Variants in SLC9A9 observed in about 807,000 individuals in gnomAD.
SLC9A9 encodes solute carrier family 9 member A9.
Under a neutral mutation model 77.8 loss-of-function variants are expected in SLC9A9, and 62 were observed. That is an observed-to-expected ratio of 0.80 (90% confidence interval 0.65 to 0.98). The LOEUF is 0.98. Ranked by LOEUF, SLC9A9 falls within the 50% of genes least tolerant of loss-of-function variation. SLC9A9 has a pLI of 0.00. For synonymous variants in SLC9A9, 320 were observed against 283.5 expected (o/e 1.13, Z -1.29); for missense variants, 775 against 774.9 (o/e 1.00, Z 0.00).
At chr3:143,277,046 C>G (rs1243241998) in intron 14 of SLC9A9, among the ~76,000 whole-genome samples, 1 of 152,204 alleles carries the variant, frequency 6.6e-6, no homozygotes, top group Non-Finnish European at 1.5e-5. Flanking sequence ...TAAGATAACT[C>G]TACTTGGCTC....
intron 4 of SLC9A9, among the ~76,000 whole-genome samples, chr3:143,792,689 C>T (rs1309852958): frequency 3.9e-5 from 6 of 152,102 alleles, no homozygotes; most frequent in Non-Finnish European, 7.4e-5. Context: ...TTCCCTAGAT[C>T]TCTTTCCTTC....
intron 12 of SLC9A9, among the ~76,000 whole-genome samples, chr3:143,391,627 A>G (rs1360189914): frequency 1.3e-5 from 2 of 152,238 alleles, no homozygotes; most frequent in Admixed American, 1.3e-4. Flanking sequence ...TTGAGAGAAG[A>G]AGGCTTCAAA....
intron 9 of SLC9A9, among the ~76,000 whole-genome samples, chr3:143,533,335 C>G (rs1402860416): frequency 6.6e-6 from 1 of 152,170 alleles, no homozygotes. Flanking sequence ...CTCCTACTTG[C>G]CTTAATTCCC....
chr3:143,274,707 A>G (rs1937995512), intron 14 of SLC9A9, among the ~76,000 whole-genome samples: 1 of 152,238 alleles, frequency 6.6e-6, no homozygotes, highest in African/African-American at 2.4e-5. Context: ...AAGGACACAA[A>G]GAATCAAATG....
At chr3:143,353,532 G>T (rs1022506262) in intron 14 of SLC9A9, among the ~76,000 whole-genome samples, 1 of 152,212 alleles carries the variant, frequency 6.6e-6, no homozygotes, top group Non-Finnish European at 1.5e-5. Flanking sequence ...GGACTTCCCA[G>T]CTTCCAGAAC....
intron 5 of SLC9A9, among the ~76,000 whole-genome samples, chr3:143,672,792 C>T (rs559365549): frequency 6.6e-6 from 1 of 152,214 alleles, no homozygotes; most frequent in South Asian, 2.1e-4. Context: ...CAGATGTTCC[C>T]ACATAAGTCT....
At chr3:143,366,942 T>C (rs2032925299) in intron 13 of SLC9A9, among the ~76,000 whole-genome samples, 1 of 152,140 alleles carries the variant, frequency 6.6e-6, no homozygotes, top group Non-Finnish European at 1.5e-5. Context: ...TAATGAAAAT[T>C]TAGAGCTCCC....
chr3:143,460,394 A>T lies in SLC9A9; in HGVS notation c.1469+6643T>A, dbSNP rs76376146. 5.4e-3 allele frequency among the ~76,000 whole-genome samples: 818 copies of T among 152,000 alleles called. 7 individuals carry two copies. The highest frequency in any genetic ancestry group is 0.019 in the African/African-American group (783 of 41,458). ...TGGTACCCTTCTCCACAGCCTTTGAATAACAAGTTCCATCTACTGCATTCA... is the reference window on the plus strand; with the variant it reads ...TGGTACCCTTCTCCACAGCCTTTGATTAACAAGTTCCATCTACTGCATTCA... On this transcript the variant is annotated intron_variant, in intron 12 of 15. Transcript: ENST00000316549.
At chr3:143,425,725 T>A (rs1322159468) in intron 12 of SLC9A9, among the ~76,000 whole-genome samples, 4 of 152,220 alleles carry the variant, frequency 2.6e-5, no homozygotes, top group African/African-American at 9.6e-5. Context: ...CTTTTCCAGT[T>A]AGCTTCGGTT....
intron 9 of SLC9A9, among the ~76,000 whole-genome samples, chr3:143,497,471 T>C (rs1455604721): frequency 1.3e-5 from 2 of 152,114 alleles, no homozygotes; most frequent in Non-Finnish European, 2.9e-5. Flanking sequence ...CCAAGAAAAT[T>C]CCATTTGAAT....
At chr3:143,522,224 C>T (rs912243577) in intron 9 of SLC9A9, among the ~76,000 whole-genome samples, 1 of 152,102 alleles carries the variant, frequency 6.6e-6, no homozygotes, top group African/African-American at 2.4e-5. Context: ...TCTGAGATAT[C>T]GTAGATACAG....
intron 14 of SLC9A9, among the ~76,000 whole-genome samples, chr3:143,321,252 C>T (rs566013080): frequency 6.6e-6 from 1 of 152,196 alleles, no homozygotes; most frequent in African/African-American, 2.4e-5. Flanking sequence ...GTCCTGCTCA[C>T]CGTTGCTTAG....
chr3:143,564,359 T>C (rs940120568), intron 8 of SLC9A9, among the ~76,000 whole-genome samples: 3 of 152,170 alleles, frequency 2.0e-5, no homozygotes, highest in African/African-American at 4.8e-5. Context: ...TTTCTAAGAC[T>C]ACAGAATACT....
chr3:143,721,377 G>A (rs558502452), intron 4 of SLC9A9, among the ~76,000 whole-genome samples: 101 of 144,566 alleles, frequency 7.0e-4, no homozygotes, highest in African/African-American at 2.8e-3. Flanking sequence ...GGGCAGACAG[G>A]AGGAGTTCAA....
chr3:143,629,665 A>G (rs1345166946), intron 6 of SLC9A9, among the ~76,000 whole-genome samples: 2 of 151,912 alleles, frequency 1.3e-5, no homozygotes, highest in Non-Finnish European at 2.9e-5. Flanking sequence ...ATGCCAAGAC[A>G]CTCCATTTAA....
chr3:143,798,327 T>G (rs539644856), intron 2 of SLC9A9, among the ~76,000 whole-genome samples: 1 of 152,270 alleles, frequency 6.6e-6, no homozygotes, highest in South Asian at 2.1e-4. Context: ...GCCTGCCTGA[T>G]TATTCACCCA....
chr3:143,350,745 C>T (rs1501625), intron 14 of SLC9A9, among the ~76,000 whole-genome samples: 18,638 of 152,154 alleles, frequency 0.12, 1,253 homozygotes, highest in South Asian at 0.17. Flanking sequence ...TCAGGGCAGG[C>T]CTGGAACTAG....
chr3:143,470,974 T>C (rs532947094), intron 11 of SLC9A9, among the ~76,000 whole-genome samples: 3 of 152,180 alleles, frequency 2.0e-5, no homozygotes, highest in Non-Finnish European at 4.4e-5. Flanking sequence ...TGCAGAGATT[T>C]CAGAAACAAA....
chr3:143,789,566 T>C (rs2008157728), intron 4 of SLC9A9, among the ~76,000 whole-genome samples: 1 of 152,124 alleles, frequency 6.6e-6, no homozygotes, highest in African/African-American at 2.4e-5. Context: ...CATCCTCAGG[T>C]TTGGGTTCTA....
Sources: gnomAD v4.1 joint callset for allele counts (sites outside exome capture counted in the v4.1 genomes callset) on GRCh38, gnomAD v4.1.1 for gene constraint, MANE v1.5 for transcripts, NCBI Gene and HGNC (gene_info 2026-07-23, HGNC 2026-07-21) for gene names.